Variants in BFSP2 observed in about 807,000 individuals in gnomAD.
BFSP2 encodes the protein phakinin.
Under a neutral mutation model 44.9 loss-of-function variants are expected in BFSP2, and 38 were observed. The ratio of observed to expected loss-of-function variants is 0.85; its 90% confidence interval spans 0.65 to 1.11. The LOEUF (loss-of-function observed/expected upper bound fraction) is 1.11, where lower values mean the gene tolerates loss of function less well. Among genes scored for constraint, BFSP2 ranks in the 50% least tolerant of loss-of-function variants. The probability of loss-of-function intolerance (pLI) is 0.00; values close to 1 mark genes in which losing one functional copy is unlikely to be tolerated. For synonymous variants in BFSP2, 197 were observed against 209.9 expected (o/e 0.94, Z 0.53); for missense variants, 525 against 533.0 (o/e 0.99, Z 0.15).
chr3:133,401,020 C>T (rs1362091364), intron 1 of BFSP2, among the ~76,000 whole-genome samples: 1 of 152,130 alleles, frequency 6.6e-6, no homozygotes, highest in Non-Finnish European at 1.5e-5. Context: ...AATCAAATAC[C>T]ATTGGATGGA....
intron 6 of BFSP2, 47 bp from the exon 7 acceptor site, chr3:133,474,922 C>G: frequency 1.2e-6 from 2 of 1,612,264 alleles, no homozygotes; most frequent in African/African-American, 2.7e-5. Context: ...ATAGAATGAC[C>G]GATTTTCCTC....
chr3:133,400,482 AAC>A lies in BFSP2; in HGVS notation c.403_404del (p.Gln135ThrfsTer31). On this transcript the variant is annotated frameshift_variant, in exon 1 of 7. Transcript: ENST00000302334. LOFTEE classifies it high-confidence loss of function. This position sits in a 1 kb window ranked among gnomAD's most constrained non-coding sequence, Gnocchi z 4.0. ...ALEQVSQELE[T>X]QLRMHLESKA... is the part of the protein sequence containing the mutation. Reference sequence around the variant, plus strand: ...TTGAGCAAGTCAGTCAGGAGCTGGAAACACAACTGCGGATGCACCTGGAGAGC... The same window carrying A: ...TTGAGCAAGTCAGTCAGGAGCTGGAAACAACTGCGGATGCACCTGGAGAGC... The A allele has an allele frequency of 6.2e-7, 1 of 1,613,990 alleles. No homozygotes were observed.
intron 1 of BFSP2, among the ~76,000 whole-genome samples, chr3:133,433,662 C>A (rs953866875): frequency 3.3e-5 from 5 of 152,210 alleles, no homozygotes; most frequent in Non-Finnish European, 7.3e-5. Flanking sequence ...TCAGTTTAGC[C>A]TTCCCACCTC....
At chr3:133,449,982 AAAGGAAGG>A (rs71136469) in intron 3 of BFSP2, among the ~76,000 whole-genome samples, 1,456 of 86,358 alleles carry the variant, frequency 0.017, 12 homozygotes, top group Middle Eastern at 0.026. Context: ...GGAAAGAAGG[AAAGGAAGG>A]AAGGAAGGAA....
In BFSP2 at chr3:133,450,320, C is replaced by T; in HGVS notation, c.747C>T (p.His249=). The stretch of plus-strand genomic sequence containing the variant: ...GTTTTCAGGATGTGAAGCTGCTGCA[C>T]AAACAGTTGGCAGGGTGTGAGCTGG... ...RNYEEDVKLL[H]KQLAGCELEQ... is the part of the protein sequence containing the mutation. The change falls in exon 4 of 7, where the codon CAC becomes CAT. Residue 249 remains histidine, a synonymous_variant. Coordinates refer to ENST00000302334, the MANE Select transcript of BFSP2 (RefSeq NM_003571.4). 6.2e-7 allele frequency: 1 copy of T among 1,614,190 alleles called. No individual in the cohort carries two copies.
intron 1 of BFSP2, among the ~76,000 whole-genome samples, chr3:133,403,069 C>T (rs912253836): frequency 2.0e-5 from 3 of 152,158 alleles, no homozygotes; most frequent in African/African-American, 4.8e-5. Context: ...AATCTGGCCT[C>T]GTGGAGCTGC....
chr3:133,448,673 G>A (rs1281098159), intron 3 of BFSP2, 28 bp downstream of exon 3: 1 of 1,611,362 alleles, frequency 6.2e-7, no homozygotes, highest in East Asian at 2.2e-5. Flanking sequence ...TTGCTGGGTT[G>A]GCCACAAGAC....
chr3:133,425,201 T>C (rs1269274615), intron 1 of BFSP2, among the ~76,000 whole-genome samples: 1 of 152,190 alleles, frequency 6.6e-6, no homozygotes, highest in Non-Finnish European at 1.5e-5. Flanking sequence ...AATGAGGGCT[T>C]ACTATGCACC....
At chr3:133,428,502 G>A (rs2073675790) in intron 1 of BFSP2, among the ~76,000 whole-genome samples, 1 of 152,150 alleles carries the variant, frequency 6.6e-6, no homozygotes, top group East Asian at 1.9e-4. Context: ...AAGAGGATGG[G>A]TCAGAGCAGT....
chr3:133,420,694 G>A (rs1435650998), intron 1 of BFSP2, among the ~76,000 whole-genome samples: 3 of 152,178 alleles, frequency 2.0e-5, no homozygotes, highest in Admixed American at 6.5e-5. Context: ...CAGAACGGAG[G>A]TGCAAGCGAC....
chr3:133,446,364 T>G (rs2073896868), intron 1 of BFSP2, among the ~76,000 whole-genome samples: 1 of 151,564 alleles, frequency 6.6e-6, no homozygotes, highest in African/African-American at 2.4e-5. Flanking sequence ...GAGGTTGCAG[T>G]GAGCAGATAT....
intron 1 of BFSP2, among the ~76,000 whole-genome samples, chr3:133,411,244 TA>T (rs1425918713): frequency 6.6e-6 from 1 of 150,508 alleles, no homozygotes; most frequent in Non-Finnish European, 1.5e-5. Context: ...AACTCATTTT[TA>T]AAACTGGTAA....
At chr3:133,470,677 C>A (rs949948053) in intron 5 of BFSP2, among the ~76,000 whole-genome samples, 1 of 149,574 alleles carries the variant, frequency 6.7e-6, no homozygotes, top group African/African-American at 2.5e-5. Context: ...TCATCCAGGG[C>A]AATCTACACA....
intron 1 of BFSP2, chr3:133,404,739 C>T (rs1022565429): frequency 6.6e-6 from 1 of 152,206 alleles, no homozygotes; most frequent in African/African-American, 2.4e-5. Context: ...GCTCTTTGAA[C>T]ATGGGGCCCC....
chr3:133,448,974 A>G (rs918870661), intron 3 of BFSP2: 3 of 340,854 alleles, frequency 8.8e-6, no homozygotes, highest in African/African-American at 2.1e-5. Context: ...TTTTTTTTCA[A>G]CACTGTATTA....
intron 1 of BFSP2, among the ~76,000 whole-genome samples, chr3:133,421,099 G>A (rs2073588730): frequency 6.6e-6 from 1 of 152,190 alleles, no homozygotes; most frequent in Non-Finnish European, 1.5e-5. Context: ...CGGGAAGGGA[G>A]GAACCTGTCC....
At chr3:133,437,653 GAAGA>G (rs544584713) in intron 1 of BFSP2, among the ~76,000 whole-genome samples, 105 of 151,486 alleles carry the variant, frequency 6.9e-4, no homozygotes, top group Middle Eastern at 3.4e-3. Context: ...AGAGAGAAAG[GAAGA>G]AAGAAAGAAA....
At chr3:133,425,526 G>A (rs558200727) in intron 1 of BFSP2, among the ~76,000 whole-genome samples, 37 of 152,274 alleles carry the variant, frequency 2.4e-4, no homozygotes, top group African/African-American at 8.7e-4. Flanking sequence ...ATCACTTGCA[G>A]GAAACTAAAA....
intron 1 of BFSP2, among the ~76,000 whole-genome samples, chr3:133,440,856 AG>A (rs922651099): frequency 6.6e-6 from 1 of 152,106 alleles, no homozygotes; most frequent in Non-Finnish European, 1.5e-5. Context: ...GTTTATTTAC[AG>A]TACAGGCTCA....
Sources: gnomAD v4.1 joint callset for allele counts (sites outside exome capture counted in the v4.1 genomes callset) on GRCh38, gnomAD v4.1.1 for gene constraint, Gnocchi (gnomAD v3.1) non-coding constraint, MANE v1.5 for transcripts, NCBI Gene and HGNC (gene_info 2026-07-23, HGNC 2026-07-21) for gene names.